Variants in WDR41 observed in about 807,000 individuals in gnomAD.
WDR41 encodes WD repeat domain 41.
In WDR41, 63 loss-of-function variants were observed where a neutral mutation model predicts 69.3. That is an observed-to-expected ratio of 0.91 (90% confidence interval 0.74 to 1.12). WDR41 has a LOEUF of 1.12. Among genes scored for constraint, WDR41 ranks in the 50% most tolerant of loss-of-function variants. The probability of loss-of-function intolerance (pLI) is 0.00; values close to 1 mark genes in which losing one functional copy is unlikely to be tolerated. For synonymous variants in WDR41, 185 were observed against 192.1 expected, an observed-to-expected ratio of 0.96 and a Z score of 0.31; for missense variants, 543 against 534.5, an observed-to-expected ratio of 1.02 and a Z score of -0.16.
chr5:77,533,272 T>A (rs1325293752), intron 1 of WDR41, among the ~76,000 whole-genome samples: 1 of 152,154 alleles, frequency 6.6e-6, no homozygotes, highest in East Asian at 1.9e-4. Context: ...TTTGGTAGTG[T>A]GTAGTTGGAG....
intron 4 of WDR41, among the ~76,000 whole-genome samples, chr5:77,462,609 TATTA>T: frequency 6.6e-6 from 1 of 152,258 alleles, no homozygotes; most frequent in East Asian, 1.9e-4. Flanking sequence ...TGTTTTTAAT[TATTA>T]AATATTACAC....
At chr5:77,442,894 C>CAAAAAAAAAAA (rs60442242) in intron 8 of WDR41, among the ~76,000 whole-genome samples, 2,547 of 56,060 alleles carry the variant, frequency 0.045, 409 homozygotes, top group African/African-American at 0.12. Context: ...TCTGTCTCCC[C>CAAAAAAAAAAA]AAAAAAAAAA....
Position 77,541,006 on chromosome 5 carries a change from T to C in WDR41, c.43-51434A>G, listed in dbSNP as rs116638144. ...ACTGCTATACCAAGGAGAAAATCAA[T>C]ATAATTCAGTAGGGGGAAAAGAAAT... On this transcript the variant is annotated intron_variant, in intron 1 of 5. Coordinates refer to the WDR41 transcript ENST00000509971. 6.1e-3 allele frequency among the ~76,000 whole-genome samples: 935 copies of C among 152,224 alleles called. 12 individuals carry two copies. Among genetic ancestry groups the C allele is most frequent in the African/African-American group, 0.021 (887 of 41,542 alleles).
intron 4 of WDR41, among the ~76,000 whole-genome samples, chr5:77,461,851 T>C (rs419578): frequency 0.61 from 92,379 of 151,634 alleles, 29,871 homozygotes; most frequent in African/African-American, 0.83. Flanking sequence ...AAAAAAAAAT[T>C]AATCTGACAA....
At chr5:77,448,795 G>A (rs1044190247) in intron 8 of WDR41, among the ~76,000 whole-genome samples, 1 of 152,060 alleles carries the variant, frequency 6.6e-6, no homozygotes, top group African/African-American at 2.4e-5. Flanking sequence ...TTGAACCCGG[G>A]GGGCAGAGGT....
chr5:77,550,088 T>G (rs1379530578), intron 1 of WDR41, among the ~76,000 whole-genome samples: 2 of 152,092 alleles, frequency 1.3e-5, no homozygotes, highest in Admixed American at 1.3e-4. Flanking sequence ...ATATAAAAAT[T>G]AACTCAAGGT....
intron 12 of WDR41, among the ~76,000 whole-genome samples, chr5:77,434,254 T>G (rs1040466671): frequency 4.1e-4 from 63 of 152,000 alleles, no homozygotes; most frequent in African/African-American, 1.5e-3. Flanking sequence ...GAGGTTGCAG[T>G]GAGTGGAGAT....
At chr5:77,484,289 G>C (rs1322348448) in intron 2 of WDR41, among the ~76,000 whole-genome samples, 1 of 152,106 alleles carries the variant, frequency 6.6e-6, no homozygotes, top group Non-Finnish European at 1.5e-5. Context: ...AAGCAGCAAG[G>C]GTGGCACACG....
chr5:77,617,658 T>G (rs1409395169), intron 1 of WDR41, among the ~76,000 whole-genome samples: 1 of 152,174 alleles, frequency 6.6e-6, no homozygotes, highest in African/African-American at 2.4e-5. Context: ...ATCTACGTTT[T>G]TGGTCATAAG....
intron 2 of WDR41, among the ~76,000 whole-genome samples, chr5:77,471,455 A>G (rs1433460481): frequency 6.6e-6 from 1 of 152,190 alleles, no homozygotes; most frequent in Non-Finnish European, 1.5e-5. Context: ...ATAGAGACAC[A>G]AAAAACCCTT....
chr5:77,474,305 G>T (rs1461022605), intron 2 of WDR41, among the ~76,000 whole-genome samples: 1 of 151,996 alleles, frequency 6.6e-6, no homozygotes, highest in Non-Finnish European at 1.5e-5. Flanking sequence ...GGAGTGGGGA[G>T]GGATAGCATT....
intron 8 of WDR41, among the ~76,000 whole-genome samples, chr5:77,446,219 G>A (rs1485113089): frequency 1.3e-5 from 2 of 152,030 alleles, no homozygotes; most frequent in Non-Finnish European, 2.9e-5. Flanking sequence ...AGCTAACAAG[G>A]GATGTGAAGG....
At chr5:77,489,606 A>T (rs1017626795) in intron 1 of WDR41, 34 bp from the exon 2 acceptor site, 1 of 1,267,772 alleles carries the variant, frequency 7.9e-7, no homozygotes, top group East Asian at 2.3e-5. Flanking sequence ...GCAAAAAACA[A>T]AAGACAAAAA....
At chr5:77,533,368 GAACTCTAA>G (rs1246598387) in intron 1 of WDR41, among the ~76,000 whole-genome samples, 1 of 152,100 alleles carries the variant, frequency 6.6e-6, no homozygotes, top group Non-Finnish European at 1.5e-5. Context: ...CAGAAGCAAT[GAACTCTAA>G]AAAAAATAGA....
intron 2 of WDR41, among the ~76,000 whole-genome samples, chr5:77,485,525 A>G (rs1353319068): frequency 1.3e-5 from 2 of 152,226 alleles, no homozygotes; most frequent in African/African-American, 4.8e-5. Flanking sequence ...ACCATCCTAC[A>G]TAACCTTGTC....
intron 2 of WDR41, among the ~76,000 whole-genome samples, chr5:77,475,424 T>C (rs541358381): frequency 1.3e-5 from 2 of 152,346 alleles, no homozygotes; most frequent in South Asian, 4.1e-4. Flanking sequence ...TGTCCCTGTC[T>C]GATAGCTTTG....
intron 1 of WDR41, among the ~76,000 whole-genome samples, chr5:77,609,486 A>T (rs1020530252): frequency 2.0e-5 from 3 of 152,214 alleles, no homozygotes; most frequent in African/African-American, 7.2e-5. Flanking sequence ...GGACAGCAGC[A>T]TTCACAGTTC....
upstream of WDR41, among the ~76,000 whole-genome samples, chr5:77,496,679 A>G (rs767934951): frequency 6.6e-6 from 1 of 152,120 alleles, no homozygotes; most frequent in Non-Finnish European, 1.5e-5. Flanking sequence ...TAAGATATAA[A>G]TACTTCCCAA....
At chr5:77,537,991 A>G (rs1381590339) in intron 1 of WDR41, among the ~76,000 whole-genome samples, 1 of 152,146 alleles carries the variant, frequency 6.6e-6, no homozygotes, top group Non-Finnish European at 1.5e-5. Context: ...TTTTACCTGC[A>G]TAGATTGTGT....
Sources: allele counts gnomAD v4.1 joint callset (sites outside exome capture counted in the v4.1 genomes callset), GRCh38; gene constraint gnomAD v4.1.1; transcripts MANE v1.5; gene names NCBI Gene and HGNC (gene_info 2026-07-23, HGNC 2026-07-21).